Variants in ZC3H12B observed in about 807,000 individuals in gnomAD.
The protein encoded by ZC3H12B is probable ribonuclease ZC3H12B.
ZC3H12B carries 7 observed loss-of-function variants against 43.9 expected under a neutral mutation model. The ratio of observed to expected loss-of-function variants is 0.16; its 90% CI spans 0.09 to 0.30. The LOEUF (loss-of-function observed/expected upper bound fraction) is 0.30, where lower values mean the gene tolerates loss of function less well. ZC3H12B is among the 10% of genes least tolerant of loss of function. ZC3H12B has a pLI of 1.00. For missense variants in ZC3H12B, 475 were observed against 670.2 expected (o/e 0.71, Z 3.22); for synonymous variants, 222 against 241.7 (o/e 0.92, Z 0.76).
At chrX:65,367,494 C>T (rs1314245715) in intron 1 of ZC3H12B, among the ~76,000 whole-genome samples, 1 of 111,303 alleles carries the variant, frequency 9.0e-6, no homozygotes, top group Non-Finnish European at 1.9e-5. Context: ...TTGAAATTTG[C>T]TTATGTATAA....
intron 3 of ZC3H12B, among the ~76,000 whole-genome samples, chrX:65,460,832 T>C (rs1044340997): frequency 5.0e-4 from 56 of 111,261 alleles, no homozygotes; most frequent in African/African-American, 1.7e-3. Flanking sequence ...CCAAAAGCAA[T>C]GGCAACACAA....
intron 3 of ZC3H12B, among the ~76,000 whole-genome samples, chrX:65,448,313 C>T (rs775262182): frequency 9.0e-6 from 1 of 111,474 alleles, no homozygotes; most frequent in East Asian, 2.8e-4. Flanking sequence ...ATTATTATAA[C>T]CTCTATGGAA....
the ZC3H12B span, among the ~76,000 whole-genome samples, chrX:65,212,310 T>C: frequency 1.1e-4 from 1 of 9,403 alleles, no homozygotes; most frequent in African/African-American, 3.0e-4. Context: ...ATATATAATA[T>C]AATTATTATA....
At chrX:65,325,348 A>T in the ZC3H12B span, among the ~76,000 whole-genome samples, 11 of 111,670 alleles carry the variant, frequency 9.9e-5, no homozygotes, top group Non-Finnish European at 1.9e-4. Context: ...ATGTGGAAAA[A>T]ATTCTAAATA....
At chrX:65,284,883 A>G in the ZC3H12B span, among the ~76,000 whole-genome samples, 15,986 of 111,421 alleles carry the variant, frequency 0.14, 2,729 homozygotes, top group African/African-American at 0.49. Context: ...AATGGATGAA[A>G]CCATGTAGAA....
chrX:65,410,531 C>T (rs181988645), intron 3 of ZC3H12B, among the ~76,000 whole-genome samples: 5 of 111,463 alleles, frequency 4.5e-5, no homozygotes, highest in South Asian at 3.8e-4. Context: ...AGAGACAACC[C>T]ACAGAATGGG....
chrX:65,241,537 G>T, the ZC3H12B span, among the ~76,000 whole-genome samples: 15 of 112,131 alleles, frequency 1.3e-4, no homozygotes, highest in South Asian at 3.7e-4. Context: ...CAGGGAGGTC[G>T]CCCCTGAGTG....
chrX:65,219,406 A>G, the ZC3H12B span, among the ~76,000 whole-genome samples: 1 of 112,068 alleles, frequency 8.9e-6, no homozygotes, highest in African/African-American at 3.2e-5. Context: ...AATCAAAAAA[A>G]TGATACAGGA....
chrX:65,197,484 C>T, the ZC3H12B span, among the ~76,000 whole-genome samples: 1 of 112,049 alleles, frequency 8.9e-6, no homozygotes. Context: ...AGTAAAACAA[C>T]CTCTAAAGGG....
the ZC3H12B span, among the ~76,000 whole-genome samples, chrX:65,141,021 A>AT: frequency 6.3e-5 from 7 of 110,487 alleles, no homozygotes; most frequent in East Asian, 1.1e-3. Context: ...TCTTACATTG[A>AT]TTTTTTTCTT....
chrX:65,155,932 G>C, the ZC3H12B span, among the ~76,000 whole-genome samples: 2 of 110,200 alleles, frequency 1.8e-5, no homozygotes, highest in African/African-American at 3.3e-5. Flanking sequence ...GGAATTATCA[G>C]TTTTTCAAAT....
At chrX:65,118,408 A>C in the ZC3H12B span, among the ~76,000 whole-genome samples, 2 of 111,497 alleles carry the variant, frequency 1.8e-5, no homozygotes, top group Non-Finnish European at 3.8e-5. Flanking sequence ...TTGCACATTG[A>C]TTTTGTATCC....
chrX:65,177,465 A>T, the ZC3H12B span, among the ~76,000 whole-genome samples: 1 of 112,206 alleles, frequency 8.9e-6, no homozygotes, highest in Non-Finnish European at 1.9e-5. Flanking sequence ...AGGGTATTCA[A>T]GTAGGAAGAG....
the ZC3H12B span, among the ~76,000 whole-genome samples, chrX:65,251,744 A>G: frequency 9.0e-6 from 1 of 111,007 alleles, no homozygotes. Context: ...TTTGTCTGTT[A>G]TTGGTGTATA....
At chrX:65,142,925 G>A in the ZC3H12B span, among the ~76,000 whole-genome samples, 2 of 111,806 alleles carry the variant, frequency 1.8e-5, no homozygotes, top group African/African-American at 6.5e-5. Context: ...TTTGAAATCA[G>A]GTAATGTGGT....
the ZC3H12B span, among the ~76,000 whole-genome samples, chrX:65,258,813 C>T: frequency 6.3e-5 from 7 of 111,236 alleles, no homozygotes; most frequent in Admixed American, 9.6e-5. Flanking sequence ...CAATTCCATT[C>T]GCAATAGCCA....
the ZC3H12B span, among the ~76,000 whole-genome samples, chrX:65,264,909 T>A: frequency 9.0e-6 from 1 of 111,483 alleles, no homozygotes; most frequent in Non-Finnish European, 1.9e-5. Context: ...AATCATAGAA[T>A]GTACAAGTTG....
At chrX:65,172,036 C>T in the ZC3H12B span, among the ~76,000 whole-genome samples, 1 of 112,308 alleles carries the variant, frequency 8.9e-6, no homozygotes, top group Admixed American at 9.4e-5. Context: ...CACCCACTGT[C>T]CGACAAGCCC....
chrX:65,260,390 A>T, the ZC3H12B span, among the ~76,000 whole-genome samples: 3 of 111,106 alleles, frequency 2.7e-5, no homozygotes, highest in African/African-American at 9.8e-5. Flanking sequence ...TTGTATTCTT[A>T]TTTAGTAGAC....
Sources: gnomAD v4.1 joint callset for allele counts (sites outside exome capture counted in the v4.1 genomes callset) on GRCh38, gnomAD v4.1.1 for gene constraint, MANE v1.5 for transcripts, NCBI Gene and HGNC (gene_info 2026-07-23, HGNC 2026-07-21) for gene names.